SLC26A7: variants seen among roughly 807,000 people sequenced by gnomAD.
The protein encoded by SLC26A7 is solute carrier family 26 member 7.
SLC26A7 carries 59 observed loss-of-function variants against 82.5 expected under a neutral mutation model. The observed-to-expected ratio is 0.72, with a 90% CI of 0.58 to 0.89. The LOEUF (loss-of-function observed/expected upper bound fraction) is 0.89, where lower values mean the gene tolerates loss of function less well. SLC26A7 is among the 40% of genes least tolerant of loss of function. The pLI is 0.00. For synonymous variants in SLC26A7, 271 were observed against 274.3 expected (o/e 0.99, Z 0.12); for missense variants, 820 against 793.0 (o/e 1.03, Z -0.41).
chr8:91,235,027 C>T (rs924973102), intron 2 of SLC26A7, among the ~76,000 whole-genome samples: 1 of 152,020 alleles, frequency 6.6e-6, no homozygotes, highest in Admixed American at 6.6e-5. Context: ...TCAAGTTATC[C>T]TCCCACCTCA....
At chr8:91,312,201 A>G (rs1812508300) in intron 4 of SLC26A7, among the ~76,000 whole-genome samples, 1 of 152,168 alleles carries the variant, frequency 6.6e-6, no homozygotes, top group Admixed American at 6.6e-5. Context: ...GTGGAATCAT[A>G]CAGTATTTGC....
chr8:91,270,163 T>C (rs1375008446), intron 2 of SLC26A7, among the ~76,000 whole-genome samples: 2 of 152,228 alleles, frequency 1.3e-5, no homozygotes, highest in African/African-American at 4.8e-5. Flanking sequence ...CCTTGTATCT[T>C]TACACTGATT....
At chr8:91,358,108 C>G (rs899766010) in intron 11 of SLC26A7, among the ~76,000 whole-genome samples, 2 of 152,096 alleles carry the variant, frequency 1.3e-5, no homozygotes, top group Admixed American at 1.3e-4. Context: ...AGTCAGGAAA[C>G]AACAGGTGCT....
At chr8:91,362,132 TAAA>T (rs145228872) in intron 11 of SLC26A7, among the ~76,000 whole-genome samples, 4,490 of 152,182 alleles carry the variant, frequency 0.03, 63 homozygotes, top group Non-Finnish European at 0.035. Flanking sequence ...TGTCTGGAAA[TAAA>T]AGAAGAAACT....
At position 91,209,524 on chromosome 8, in the gene SLC26A7, A is replaced by G. The variant is rs193285924; in HGVS notation, c.-168A>G. 49 of 152,334 alleles carry G rather than the reference A, an allele frequency of 3.2e-4. No homozygotes were observed. In the South Asian group the frequency reaches 3.3e-3, roughly 10 times the overall value. 9.4% of individuals were successfully genotyped at this position (152,334 alleles called of 1,614,324 possible). ...GCCAGCAAGTCTTGACTAATCTCCA[A>G]GCAATGTAGCTGTAAAAGGTAGGAG... On this transcript the variant is annotated 5_prime_UTR_variant, in exon 1 of 6. Transcript: ENST00000522862.
chr8:91,272,882 G>C (rs1327262373), intron 2 of SLC26A7, among the ~76,000 whole-genome samples: 1 of 152,154 alleles, frequency 6.6e-6, no homozygotes, highest in Non-Finnish European at 1.5e-5. Flanking sequence ...AGTTAGGAGA[G>C]ACTAGTTAGG....
chr8:91,333,823 T>A (rs1307745763), intron 5 of SLC26A7, among the ~76,000 whole-genome samples: 1 of 152,176 alleles, frequency 6.6e-6, no homozygotes, highest in African/African-American at 2.4e-5. Flanking sequence ...CATGTTAATA[T>A]TTTATATGAA....
chr8:91,305,682 T>C (rs950890815), intron 4 of SLC26A7, among the ~76,000 whole-genome samples: 1 of 152,208 alleles, frequency 6.6e-6, no homozygotes, highest in Non-Finnish European at 1.5e-5. Context: ...CCTTCAACCA[T>C]GTAATTCCAA....
chr8:91,318,421 G>A (rs767797336), intron 5 of SLC26A7, 41 bp downstream of exon 5: 15 of 1,485,096 alleles, frequency 1.0e-5, no homozygotes, highest in South Asian at 1.3e-5. Context: ...TTTTGAATGT[G>A]CAGGTTTCAC....
intron 15 of SLC26A7, among the ~76,000 whole-genome samples, chr8:91,382,337 T>G (rs1408983413): frequency 1.3e-5 from 2 of 152,160 alleles, no homozygotes; most frequent in Non-Finnish European, 2.9e-5. Flanking sequence ...TTACCACACA[T>G]TATACAAGCT....
intron 15 of SLC26A7, among the ~76,000 whole-genome samples, chr8:91,385,162 C>G (rs929860009): frequency 1.3e-5 from 2 of 152,042 alleles, no homozygotes; most frequent in Non-Finnish European, 2.9e-5. Context: ...AGATAAAGCC[C>G]ATCATTTACC....
At chr8:91,342,675 A>G (rs1160504200) in intron 8 of SLC26A7, among the ~76,000 whole-genome samples, 1 of 152,228 alleles carries the variant, frequency 6.6e-6, no homozygotes, top group Non-Finnish European at 1.5e-5. Context: ...GAAGTTGGAG[A>G]TATCTGTTAG....
chr8:91,269,088 T>C (rs1811195716), intron 2 of SLC26A7, among the ~76,000 whole-genome samples: 1 of 152,214 alleles, frequency 6.6e-6, no homozygotes, highest in East Asian at 1.9e-4. Flanking sequence ...AGTTTTGTTT[T>C]TTAGTTTTCA....
chr8:91,237,589 C>T (rs936156895), intron 2 of SLC26A7, among the ~76,000 whole-genome samples: 1 of 152,212 alleles, frequency 6.6e-6, no homozygotes, highest in Non-Finnish European at 1.5e-5. Context: ...CTGGCATCAG[C>T]ATGCCTGCCT....
intron 5 of SLC26A7, among the ~76,000 whole-genome samples, chr8:91,333,612 T>A (rs1813157004): frequency 6.6e-6 from 1 of 152,108 alleles, no homozygotes; most frequent in African/African-American, 2.4e-5. Context: ...CTAAGTCATA[T>A]ACTTCAGGTG....
chr8:91,388,449 A>G (rs760077470), intron 15 of SLC26A7, among the ~76,000 whole-genome samples: 1 of 152,140 alleles, frequency 6.6e-6, no homozygotes, highest in African/African-American at 2.4e-5. Flanking sequence ...TCCCACTTTT[A>G]TGTAGCCACT....
chr8:91,265,769 G>A (rs1430396326), intron 2 of SLC26A7, among the ~76,000 whole-genome samples: 4 of 151,712 alleles, frequency 2.6e-5, no homozygotes, highest in Non-Finnish European at 3.0e-5. Flanking sequence ...GTGTGTGTGC[G>A]CACGCGCCTT....
chr8:91,233,393 G>T (rs561770354), intron 2 of SLC26A7, among the ~76,000 whole-genome samples: 1 of 151,796 alleles, frequency 6.6e-6, no homozygotes, highest in East Asian at 2.0e-4. Flanking sequence ...ATGGCAAAAC[G>T]CAGTCTCTAC....
chr8:91,270,749 T>G (rs772616447), intron 2 of SLC26A7, among the ~76,000 whole-genome samples: 5 of 152,124 alleles, frequency 3.3e-5, no homozygotes, highest in Non-Finnish European at 5.9e-5. Context: ...ATGAATTGAG[T>G]TCTTTTCCTT....
Sources: gnomAD v4.1 joint callset for allele counts (sites outside exome capture counted in the v4.1 genomes callset) on GRCh38, gnomAD v4.1.1 for gene constraint, MANE v1.5 for transcripts, NCBI Gene and HGNC (gene_info 2026-07-23, HGNC 2026-07-21) for gene names.